The following ADGRB3 variants were observed in gnomAD, a reference collection of about 807,000 sequenced individuals.
The protein encoded by ADGRB3 is brain-specific angiogenesis inhibitor 3.
A neutral mutation model predicts 193.4 loss-of-function variants in ADGRB3; 37 were observed. The ratio of observed to expected loss-of-function variants is 0.19; its 90% confidence interval spans 0.15 to 0.25. The LOEUF (loss-of-function observed/expected upper bound fraction) is 0.25. ADGRB3 is among the 10% of genes least tolerant of loss of function. ADGRB3 has a pLI of 1.00. For missense variants in ADGRB3, 1,637 were observed against 1,852.9 expected (o/e 0.88, Z 2.14); for synonymous variants, 690 against 644.2 (o/e 1.07, Z -1.08).
chr6:68,657,809 A>G (rs116903887), intron 3 of ADGRB3, among the ~76,000 whole-genome samples: 1,647 of 151,542 alleles, frequency 0.011, 14 homozygotes, highest in Non-Finnish European at 0.016. Flanking sequence ...TTCAGGTAAT[A>G]TCAGCCTAAT....
rs182378553 is a variant in ADGRB3 at position 68,867,148 on chromosome 6, C to T, written c.758-63411C>T. On this transcript the variant is annotated intron_variant, in intron 3 of 31. Transcript: ENST00000370598. ...CAGAGCTCTTCATGGCAGCTCTTCCCATCACAGACCTGGAGGCCTAGGAAG... is the reference window on the plus strand; with the variant it reads ...CAGAGCTCTTCATGGCAGCTCTTCCTATCACAGACCTGGAGGCCTAGGAAG... Among the ~76,000 whole-genome samples the T allele has an allele frequency of 5.3e-5, 8 of 152,300 alleles. No individual in the cohort carries two copies. In the East Asian group the frequency reaches 9.7e-4, roughly 18 times the overall value.
At chr6:68,821,981 T>A (rs1348922586) in intron 3 of ADGRB3, among the ~76,000 whole-genome samples, 2 of 151,920 alleles carry the variant, frequency 1.3e-5, no homozygotes, top group African/African-American at 4.8e-5. Context: ...TGTATTTACG[T>A]AAGAAGAACC....
chr6:68,691,250 C>T (rs946942792), intron 3 of ADGRB3, among the ~76,000 whole-genome samples: 9 of 152,070 alleles, frequency 5.9e-5, no homozygotes, highest in Non-Finnish European at 7.4e-5. Context: ...TTGTGATAGA[C>T]GTTGTGGTAA....
At chr6:69,146,145 A>G (rs1774485980) in intron 17 of ADGRB3, among the ~76,000 whole-genome samples, 2 of 152,152 alleles carry the variant, frequency 1.3e-5, no homozygotes, top group Non-Finnish European at 2.9e-5. Flanking sequence ...GGTCACCTGC[A>G]GGTGAGTGCC....
At chr6:68,729,273 G>A (rs1327162641) in intron 3 of ADGRB3, among the ~76,000 whole-genome samples, 1 of 151,480 alleles carries the variant, frequency 6.6e-6, no homozygotes, top group Non-Finnish European at 1.5e-5. Context: ...TCTAGAAGTC[G>A]ATACCAGAAA....
At chr6:68,715,715 C>T (rs1179902627) in intron 3 of ADGRB3, among the ~76,000 whole-genome samples, 1 of 151,806 alleles carries the variant, frequency 6.6e-6, no homozygotes, top group East Asian at 1.9e-4. Context: ...CATGCTAATT[C>T]TTATCCTAAC....
chr6:68,868,291 C>T (rs1765360403), intron 3 of ADGRB3, among the ~76,000 whole-genome samples: 1 of 152,192 alleles, frequency 6.6e-6, no homozygotes, highest in Admixed American at 6.5e-5. Context: ...TGCTCTGTCT[C>T]TCCTGGTACC....
At chr6:68,795,047 C>A (rs1402898992) in intron 3 of ADGRB3, among the ~76,000 whole-genome samples, 1 of 151,914 alleles carries the variant, frequency 6.6e-6, no homozygotes, top group African/African-American at 2.4e-5. Flanking sequence ...CACACTAATG[C>A]CATATATACA....
At chr6:68,855,215 C>CAGCAATGGTGATTGA (rs1274631335) in intron 3 of ADGRB3, among the ~76,000 whole-genome samples, 1 of 152,132 alleles carries the variant, frequency 6.6e-6, no homozygotes, top group Non-Finnish European at 1.5e-5. Context: ...TTAATATCTA[C>CAGCAATGGTGATTGA]AGCAATGGTG....
At chr6:69,195,332 C>T (rs1765272871) in intron 17 of ADGRB3, among the ~76,000 whole-genome samples, 2 of 151,814 alleles carry the variant, frequency 1.3e-5, no homozygotes, top group African/African-American at 4.8e-5. Context: ...TAATTCGAGA[C>T]CAGGCCTGGC....
At position 69,179,096 on chromosome 6, in the gene ADGRB3, T is replaced by G. The variant is rs572760009; in HGVS notation, c.2481-54194T>G. ...TCAAGAATGCCAGTAATTTGTATGT[T>G]TGGTCACTTTACATAATCCAATATT... On this transcript the variant is annotated intron_variant, in intron 17 of 31. Transcript: ENST00000370598. Among the ~76,000 whole-genome samples the G allele has an allele frequency of 6.6e-5, 10 of 152,350 alleles. No individual in the cohort carries two copies. The South Asian group carries it at 2.1e-3, about 32-fold the overall frequency.
At chr6:68,720,299 C>T (rs1765554546) in intron 3 of ADGRB3, among the ~76,000 whole-genome samples, 1 of 151,668 alleles carries the variant, frequency 6.6e-6, no homozygotes, top group Non-Finnish European at 1.5e-5. Flanking sequence ...TAAGACAGCC[C>T]TAAATTCATA....
At chr6:68,954,287 T>C (rs1438954378) in intron 6 of ADGRB3, among the ~76,000 whole-genome samples, 1 of 152,218 alleles carries the variant, frequency 6.6e-6, no homozygotes, top group Non-Finnish European at 1.5e-5. Context: ...GGTTAGGATT[T>C]ATATTCTTTT....
chr6:68,753,769 G>A (rs1210394691), intron 3 of ADGRB3, among the ~76,000 whole-genome samples: 1 of 152,124 alleles, frequency 6.6e-6, no homozygotes, highest in Non-Finnish European at 1.5e-5. Context: ...CAAAAATAAA[G>A]CAGCCTGGTG....
intron 31 of ADGRB3, among the ~76,000 whole-genome samples, chr6:69,386,162 A>G (rs1335091674): frequency 1.3e-5 from 2 of 152,118 alleles, no homozygotes; most frequent in Non-Finnish European, 1.5e-5. Context: ...TCAATAGGTC[A>G]TGTAGTGACA....
intron 3 of ADGRB3, among the ~76,000 whole-genome samples, chr6:68,847,620 C>T (rs780964430): frequency 3.2e-4 from 49 of 152,100 alleles, no homozygotes; most frequent in Non-Finnish European, 5.3e-4. Flanking sequence ...AGTGTCTTTT[C>T]GCCCTCTGCC....
At chr6:69,121,800 G>T (rs541394707) in intron 17 of ADGRB3, among the ~76,000 whole-genome samples, 1 of 148,214 alleles carries the variant, frequency 6.7e-6, no homozygotes, top group South Asian at 2.2e-4. Context: ...GGGCAGAGGC[G>T]CACCTCACAT....
At chr6:69,182,586 G>T (rs1264729744) in intron 17 of ADGRB3, among the ~76,000 whole-genome samples, 2 of 151,936 alleles carry the variant, frequency 1.3e-5, no homozygotes, top group Non-Finnish European at 2.9e-5. Flanking sequence ...AATCTTTGCT[G>T]AGAATTATTT....
chr6:69,027,038 A>G (rs1406120514), intron 13 of ADGRB3, among the ~76,000 whole-genome samples: 1 of 152,196 alleles, frequency 6.6e-6, no homozygotes, highest in Non-Finnish European at 1.5e-5. Flanking sequence ...CTCCAAAAAT[A>G]AATTAACTTC....
Sources: allele counts gnomAD v4.1 joint callset (sites outside exome capture counted in the v4.1 genomes callset), GRCh38; gene constraint gnomAD v4.1.1; transcripts MANE v1.5; gene names NCBI Gene and HGNC (gene_info 2026-07-23, HGNC 2026-07-21).